The following CDH18 variants were observed in gnomAD, a reference collection of about 807,000 sequenced individuals.
CDH18 encodes the protein cadherin 18.
CDH18 carries 31 observed loss-of-function variants against 67.9 expected under a neutral mutation model. That is an observed-to-expected ratio of 0.46 (90% CI 0.34 to 0.62). The LOEUF is 0.62. Ranked by LOEUF, CDH18 falls within the 20% of genes least tolerant of loss-of-function variation. The pLI, the probability that CDH18 is intolerant of heterozygous loss-of-function variation, is 0.01. For synonymous variants in CDH18, 362 were observed against 347.2 expected (o/e 1.04, Z -0.48); for missense variants, 890 against 975.5 (o/e 0.91, Z 1.17).
chr5:20,485,900 G>A (rs1753139875), intron 1 of CDH18, among the ~76,000 whole-genome samples: 1 of 152,126 alleles, frequency 6.6e-6, no homozygotes, highest in African/African-American at 2.4e-5. Flanking sequence ...TTTTGAAGTT[G>A]GGTATATTGT....
chr5:20,185,874 T>C (rs1580431062), intron 2 of CDH18, among the ~76,000 whole-genome samples: 1 of 151,300 alleles, frequency 6.6e-6, no homozygotes, highest in Admixed American at 6.6e-5. Context: ...TATTTTTTTT[T>C]CCCGTGTGAT....
At chr5:19,748,134 G>GAAAAAA (rs1554022366) in intron 3 of CDH18, among the ~76,000 whole-genome samples, 4 of 67,136 alleles carry the variant, frequency 6.0e-5, no homozygotes, top group Non-Finnish European at 1.0e-4. Flanking sequence ...AAAAAAAAAA[G>GAAAAAA]AGTACTTTTT....
intron 2 of CDH18, among the ~76,000 whole-genome samples, chr5:20,035,273 C>T (rs1739751084): frequency 6.6e-6 from 1 of 151,926 alleles, no homozygotes. Flanking sequence ...CCTGTCCATG[C>T]AATTTATTAT....
At chr5:20,174,471 G>A (rs1737072819) in intron 2 of CDH18, among the ~76,000 whole-genome samples, 1 of 152,142 alleles carries the variant, frequency 6.6e-6, no homozygotes, top group East Asian at 1.9e-4. Context: ...TGTTTCAAAT[G>A]CCATTGAGGA....
chr5:19,800,146 CTATT>C (rs947670221), intron 3 of CDH18, among the ~76,000 whole-genome samples: 1 of 152,070 alleles, frequency 6.6e-6, no homozygotes, highest in African/African-American at 2.4e-5. Flanking sequence ...CTTAAAAACA[CTATT>C]GAAAGGCTTC....
At chr5:19,551,953 G>T (rs1287185487) in intron 8 of CDH18, among the ~76,000 whole-genome samples, 2 of 152,112 alleles carry the variant, frequency 1.3e-5, no homozygotes, top group African/African-American at 4.8e-5. Context: ...CAGATGTATT[G>T]CTTGGCCTCA....
At chr5:19,671,883 C>A (rs750900748) in intron 5 of CDH18, among the ~76,000 whole-genome samples, 1 of 152,028 alleles carries the variant, frequency 6.6e-6, no homozygotes, top group Non-Finnish European at 1.5e-5. Context: ...GCACAATGCA[C>A]CTGATTCCTT....
intron 1 of CDH18, among the ~76,000 whole-genome samples, chr5:20,328,711 C>T (rs1259019020): frequency 1.3e-5 from 2 of 152,088 alleles, no homozygotes; most frequent in Non-Finnish European, 2.9e-5. Flanking sequence ...ATTCCCATAC[C>T]GGGTCAGGCA....
chr5:19,500,074 CTT>C (rs201970719), intron 11 of CDH18, among the ~76,000 whole-genome samples: 1 of 143,600 alleles, frequency 7.0e-6, no homozygotes, highest in African/African-American at 2.5e-5. Context: ...TTTCTTCTAG[CTT>C]TTTTTTTTTA....
At chr5:20,288,229 G>A (rs886502308) in intron 1 of CDH18, among the ~76,000 whole-genome samples, 1 of 151,720 alleles carries the variant, frequency 6.6e-6, no homozygotes, top group African/African-American at 2.4e-5. Context: ...CTTCTCAGAT[G>A]ACTGAAATCC....
chr5:20,355,755 T>C (rs769577283), intron 1 of CDH18, among the ~76,000 whole-genome samples: 1 of 152,240 alleles, frequency 6.6e-6, no homozygotes, highest in Non-Finnish European at 1.5e-5. Flanking sequence ...TGAAGTTTTA[T>C]CTACATCAAG....
intron 1 of CDH18, among the ~76,000 whole-genome samples, chr5:20,268,915 G>A (rs11745745): frequency 0.46 from 69,793 of 151,850 alleles, 16,195 homozygotes; most frequent in African/African-American, 0.52. Flanking sequence ...AACAAAATAA[G>A]CAACTAACAG....
intron 2 of CDH18, among the ~76,000 whole-genome samples, chr5:20,056,463 TA>T (rs1335995547): frequency 1.0e-4 from 15 of 143,520 alleles, no homozygotes; most frequent in Non-Finnish European, 1.4e-4. Flanking sequence ...TATTTTTCTT[TA>T]TTTTCTTTCT....
intron 4 of CDH18, among the ~76,000 whole-genome samples, chr5:19,726,641 GC>G (rs1263192628): frequency 1.3e-5 from 2 of 152,112 alleles, no homozygotes; most frequent in Non-Finnish European, 2.9e-5. Context: ...AAAGCTTAAG[GC>G]TGAAAGAAAA....
At chr5:20,336,681 C>CCACTG (rs958610934) in intron 1 of CDH18, among the ~76,000 whole-genome samples, 13 of 135,336 alleles carry the variant, frequency 9.6e-5, no homozygotes, top group Admixed American at 4.0e-4. Flanking sequence ...CGAGATCACA[C>CCACTG]CACTGCACTC....
At chr5:19,695,088 G>C (rs369184781) in intron 5 of CDH18, among the ~76,000 whole-genome samples, 2 of 152,080 alleles carry the variant, frequency 1.3e-5, no homozygotes, top group East Asian at 1.9e-4. Context: ...GGGATCACAC[G>C]AGTTTTTTCT....
intron 11 of CDH18, among the ~76,000 whole-genome samples, chr5:19,498,767 G>A (rs150638864): frequency 1.3e-5 from 2 of 152,190 alleles, no homozygotes; most frequent in African/African-American, 4.8e-5. Context: ...AGCTCACTCT[G>A]CTACTCTTCC....
intron 1 of CDH18, among the ~76,000 whole-genome samples, chr5:20,380,085 A>C (rs1307214900): frequency 6.6e-6 from 1 of 152,194 alleles, no homozygotes; most frequent in Non-Finnish European, 1.5e-5. Flanking sequence ...TCTTTGCAAA[A>C]TGAGGGATGA....
intron 2 of CDH18, among the ~76,000 whole-genome samples, chr5:19,883,914 G>A (rs544938777): frequency 1.7e-4 from 26 of 151,822 alleles, no homozygotes; most frequent in South Asian, 6.2e-4. Flanking sequence ...TGTCATCTTC[G>A]TTTAAATTAT....
Sources: gnomAD v4.1 joint callset for allele counts (sites outside exome capture counted in the v4.1 genomes callset) on GRCh38, gnomAD v4.1.1 for gene constraint, MANE v1.5 for transcripts, NCBI Gene and HGNC (gene_info 2026-07-23, HGNC 2026-07-21) for gene names.